CXCL12: variants seen among roughly 807,000 people sequenced by gnomAD.
CXCL12 encodes stromal cell-derived factor 1.
Under a neutral mutation model 10.7 loss-of-function variants are expected in CXCL12, and 4 were observed. That is an observed-to-expected ratio of 0.37 (90% confidence interval 0.18 to 0.86). The LOEUF (loss-of-function observed/expected upper bound fraction) is 0.86, where lower values mean the gene tolerates loss of function less well. CXCL12 is among the 40% of genes least tolerant of loss of function. The pLI is 0.43. For missense variants in CXCL12, 122 were observed against 110.4 expected (o/e 1.10, Z -0.47); for synonymous variants, 54 against 45.4 (o/e 1.19, Z -0.77).
downstream of CXCL12, chr10:44,376,039 T>C (rs1470302985): frequency 3.2e-5 from 51 of 1,610,802 alleles, no homozygotes; most frequent in Non-Finnish European, 4.3e-5. Flanking sequence ...CCCCCTTAGA[T>C]AAAATTAGTA....
chr10:44,377,255 A>G lies in CXCL12; in HGVS notation c.*1378T>C, dbSNP rs1429349478. On this transcript the variant is annotated 3_prime_UTR_variant, in exon 3 of 3. Coordinates refer to ENST00000343575, the MANE Select transcript of CXCL12 (RefSeq NM_199168.4). ...AAAGCTGCAATCACATTTATATATC[A>G]TATATATTTCTTTACAAATTGCCAG... 2 of 999,740 alleles carry G rather than the reference A, an allele frequency of 2.0e-6. No individual in the cohort carries two copies. The highest frequency in any genetic ancestry group is 2.4e-6 in the Non-Finnish European group (2 of 838,990). 61.9% of individuals were successfully genotyped at this position (999,740 alleles called of 1,614,324 possible). A position where few individuals can be genotyped will look rare whatever the true frequency, so the allele number is the denominator to read the frequency against.
chr10:44,371,346 G>A (rs1839307550), downstream of CXCL12: 2 of 484,156 alleles, frequency 4.1e-6, no homozygotes, highest in Non-Finnish European at 8.3e-6. Flanking sequence ...TTCATGGATT[G>A]GGGGCAGGTA....
chr10:44,376,781 G>T (rs1356998840), downstream of CXCL12, among the ~76,000 whole-genome samples: 1 of 152,124 alleles, frequency 6.6e-6, no homozygotes, highest in Non-Finnish European at 1.5e-5. Flanking sequence ...GTAAAAGGTT[G>T]ATATTACTAG....
intron 2 of CXCL12, among the ~76,000 whole-genome samples, 186 bp from the exon 3 acceptor site, chr10:44,378,909 T>C (rs1338408596): frequency 6.6e-6 from 1 of 152,034 alleles, no homozygotes; most frequent in African/African-American, 2.4e-5. Flanking sequence ...GTGCAGGAAG[T>C]TCCATTGCAG....
chr10:44,373,294 C>A, downstream of CXCL12: 1 of 1,601,084 alleles, frequency 6.2e-7, no homozygotes, highest in East Asian at 2.3e-5. Flanking sequence ...GAGCTGGGCT[C>A]CTACTGTAAG....
intron 1 of CXCL12, among the ~76,000 whole-genome samples, chr10:44,381,201 T>G (rs1334548122): frequency 6.6e-6 from 1 of 152,028 alleles, no homozygotes. Context: ...TAGATAACGG[T>G]TTCAGTCCAA....
At chr10:44,381,862 G>T (rs928920707) in intron 1 of CXCL12, among the ~76,000 whole-genome samples, 7 of 152,170 alleles carry the variant, frequency 4.6e-5, no homozygotes, top group Non-Finnish European at 8.8e-5. Flanking sequence ...TTGGTCCAGA[G>T]ATTTTTTTTC....
chr10:44,375,513 G>A (rs1220459747), downstream of CXCL12, among the ~76,000 whole-genome samples: 1 of 152,280 alleles, frequency 6.6e-6, no homozygotes, highest in Non-Finnish European at 1.5e-5. Context: ...ACACTGGCCA[G>A]GTGGCCACAG....
Position 44,385,026 on chromosome 10 carries a change from CGG to C in CXCL12, c.-23_-22del. On this transcript the variant is annotated 5_prime_UTR_variant, in exon 1 of 3. Transcript: ENST00000343575. ...TTCATGGCGCGGGCGGGCGGGCGGG[CGG>C]GCGGACGAGCGCGGGTCGGGGGCCG... 1 of 658,166 alleles carries C rather than the reference CGG, an allele frequency of 1.5e-6. No individual in the cohort carries two copies. The highest frequency in any genetic ancestry group is 2.2e-6 in the Non-Finnish European group (1 of 461,028). 40.8% of individuals were successfully genotyped at this position (658,166 alleles called of 1,614,324 possible).
downstream of CXCL12, chr10:44,376,019 C>T: frequency 6.2e-7 from 1 of 1,604,600 alleles, no homozygotes; most frequent in Non-Finnish European, 8.5e-7. Flanking sequence ...CCCACTTTTT[C>T]TTCTCTGCGC....
chr10:44,375,180 A>G (rs549230690), downstream of CXCL12, among the ~76,000 whole-genome samples: 2 of 152,304 alleles, frequency 1.3e-5, no homozygotes, highest in African/African-American at 4.8e-5. Flanking sequence ...TAAAGACTCT[A>G]AAGAGAATTG....
chr10:44,378,867 C>G, intron 2 of CXCL12, 144 bp from the exon 3 acceptor site: 1 of 771,016 alleles, frequency 1.3e-6, no homozygotes, highest in Non-Finnish European at 2.2e-6. Context: ...CAGAGGTGCT[C>G]GCGGTGTGCT....
chr10:44,377,728 T>C lies in CXCL12; in HGVS notation c.*905A>G, dbSNP rs1269269493. ...TTTGATTCTGTAAAGACTTGTCTTT[T>C]GCGGGTAAGCAGGGGGACCATTACA... is the stretch of plus-strand genomic sequence containing the variant. On this transcript the variant is annotated 3_prime_UTR_variant, in exon 3 of 3. Transcript: ENST00000343575. The C allele has an allele frequency of 6.3e-7, 1 of 1,598,300 alleles. No homozygotes were observed. The highest frequency in any genetic ancestry group is 1.7e-5 in the Admixed American group (1 of 60,016).
chr10:44,371,316 C>A, downstream of CXCL12: 1 of 458,120 alleles, frequency 2.2e-6, no homozygotes, highest in Non-Finnish European at 4.3e-6. Flanking sequence ...TTTCCTCAAC[C>A]AAGAATTCAA....
In CXCL12 at chr10:44,378,009, T is replaced by C. The variant is rs1452780484; in HGVS notation, c.*624A>G. 14 of 1,500,568 alleles carry C rather than the reference T, an allele frequency of 9.3e-6. No individual in the cohort carries two copies. The South Asian group carries it at 1.2e-4, about 12-fold the overall frequency. 93.0% of individuals were successfully genotyped at this position (1,500,568 alleles called of 1,614,324 possible). On this transcript the variant is annotated 3_prime_UTR_variant, in exon 3 of 3. Coordinates refer to ENST00000343575, the MANE Select transcript of CXCL12 (RefSeq NM_199168.4). ...TCTCTGAGCACAGTCCCAGTAATAG[T>C]GGCTTCTACATGGAGCCCACAGAGC...
At chr10:44,380,958 G>C in intron 1 of CXCL12, 78 bp from the exon 2 acceptor site, 1 of 1,132,916 alleles carries the variant, frequency 8.8e-7, no homozygotes, top group Non-Finnish European at 1.3e-6. Context: ...GCAGCAGTTG[G>C]TGCAGCGATT....
At chr10:44,383,678 T>C (rs1015967773) in intron 1 of CXCL12, among the ~76,000 whole-genome samples, 1 of 138,156 alleles carries the variant, frequency 7.2e-6, no homozygotes, top group East Asian at 2.2e-4. Flanking sequence ...ACATTCCCAA[T>C]TGCCTTCAGT....
downstream of CXCL12, chr10:44,374,385 G>A (rs1212171232): frequency 8.9e-6 from 4 of 451,150 alleles, no homozygotes; most frequent in Admixed American, 4.7e-5. Flanking sequence ...GGACTAGAGT[G>A]GCTACTGGCT....
At position 44,385,026 on chromosome 10, in the gene CXCL12, CG is replaced by C; in HGVS notation, c.-22del. The C allele has an allele frequency of 1.5e-6, 1 of 658,166 alleles. No individual in the cohort carries two copies. The highest frequency in any genetic ancestry group is 2.2e-6 in the Non-Finnish European group (1 of 461,028). The allele number at this position is 658,166 out of a possible 1,614,324, so 40.8% of individuals were successfully genotyped here. On this transcript the variant is annotated 5_prime_UTR_variant, in exon 1 of 3. Coordinates refer to ENST00000343575, the MANE Select transcript of CXCL12 (RefSeq NM_199168.4). ...TTCATGGCGCGGGCGGGCGGGCGGGCGGGCGGACGAGCGCGGGTCGGGGGCC... is the reference window on the plus strand; with the variant it reads ...TTCATGGCGCGGGCGGGCGGGCGGGCGGCGGACGAGCGCGGGTCGGGGGCC...
Sources: allele counts gnomAD v4.1 joint callset (sites outside exome capture counted in the v4.1 genomes callset), GRCh38; gene constraint gnomAD v4.1.1; transcripts MANE v1.5; gene names NCBI Gene and HGNC (gene_info 2026-07-23, HGNC 2026-07-21).